Variants in TBCK observed in about 807,000 individuals in gnomAD.
The protein encoded by TBCK is TBC1 domain containing kinase, also known as TBC domain-containing protein kinase-like protein.
In TBCK, 99 loss-of-function variants were observed where a neutral mutation model predicts 113.4. The observed-to-expected ratio is 0.87, with a 90% CI of 0.74 to 1.03. The LOEUF is 1.03. TBCK is among the 50% of genes least tolerant of loss of function. The probability of loss-of-function intolerance (pLI) is 0.00; values close to 1 mark genes in which losing one functional copy is unlikely to be tolerated. For missense variants in TBCK, 1,045 were observed against 1,061.3 expected, an observed-to-expected ratio of 0.98 and a Z score of 0.21; for synonymous variants, 369 against 370.8, an observed-to-expected ratio of 1.00 and a Z score of 0.05.
chr4:106,282,582 G>T (rs1011972732), intron 3 of TBCK, among the ~76,000 whole-genome samples: 5 of 151,390 alleles, frequency 3.3e-5, no homozygotes, highest in Admixed American at 3.3e-4. Flanking sequence ...TATTCCACAG[G>T]TTTTGGTATA....
chr4:106,230,753 T>C (rs1481319924), intron 18 of TBCK, among the ~76,000 whole-genome samples: 1 of 151,868 alleles, frequency 6.6e-6, no homozygotes, highest in Non-Finnish European at 1.5e-5. Flanking sequence ...CTAAGCATGA[T>C]CATTATTAGT....
chr4:106,069,671 T>C (rs1317110175), intron 25 of TBCK, among the ~76,000 whole-genome samples: 2 of 152,220 alleles, frequency 1.3e-5, no homozygotes, highest in Non-Finnish European at 2.9e-5. Flanking sequence ...GTTTTTTCCA[T>C]TCTGTGAAGA....
intron 19 of TBCK, 127 bp downstream of exon 19, chr4:106,230,236 T>C (rs1228139833): frequency 6.6e-6 from 3 of 455,410 alleles, no homozygotes; most frequent in Non-Finnish European, 1.2e-5. Flanking sequence ...TTTCTCTTTA[T>C]GGATTTTATT....
Position 106,314,332 on chromosome 4 carries a change from C to G in TBCK, c.-30+1599G>C, listed in dbSNP as rs182683059. ...TATATTATTTTGAATTATAAAGTAACCAATACAAAAACTAAAAATTATGAT... is the reference window on the plus strand; with the variant it reads ...TATATTATTTTGAATTATAAAGTAAGCAATACAAAAACTAAAAATTATGAT... On this transcript the variant is annotated intron_variant, in intron 1 of 25. Coordinates refer to ENST00000394708, the MANE Select transcript of TBCK (RefSeq NM_001163435.3). 2.9e-3 allele frequency among the ~76,000 whole-genome samples: 437 copies of G among 152,146 alleles called. 2 individuals carry two copies. Among genetic ancestry groups the G allele is most frequent in the African/African-American group, 0.01 (416 of 41,510 alleles).
intron 2 of TBCK, among the ~76,000 whole-genome samples, chr4:106,302,480 A>C (rs1007588104): frequency 6.6e-6 from 1 of 152,214 alleles, no homozygotes; most frequent in African/African-American, 2.4e-5. Flanking sequence ...GTTTAGGTAG[A>C]GGAAGGAAAA....
rs1734227303 is a variant in TBCK at position 106,046,478 on chromosome 4, A to G, written c.*92T>C. On this transcript the variant is annotated 3_prime_UTR_variant, in exon 26 of 26. Transcript: ENST00000394708. ...TTTACGGAAATGCAACAATCTGGAC[A>G]TCTAGTTTTGTCTGAGAGTGGCGTG... 1 of 688,836 alleles carries G rather than the reference A, an allele frequency of 1.5e-6. No individual in the cohort carries two copies. The highest frequency in any genetic ancestry group is 2.6e-6 in the Non-Finnish European group (1 of 389,416). The allele number at this position is 688,836 out of a possible 1,614,324, so 42.7% of individuals were successfully genotyped here.
chr4:106,266,827 G>A (rs940897903), intron 3 of TBCK, among the ~76,000 whole-genome samples: 4 of 151,872 alleles, frequency 2.6e-5, no homozygotes, highest in Non-Finnish European at 4.4e-5. Context: ...GTACTTACTA[G>A]CTTTTTAAGT....
chr4:106,276,868 C>A (rs1764081508), intron 3 of TBCK, among the ~76,000 whole-genome samples: 2 of 151,760 alleles, frequency 1.3e-5, no homozygotes, highest in African/African-American at 4.8e-5. Context: ...AAGAGTGAGA[C>A]TCCATTATAA....
At chr4:106,251,079 C>T (rs1761373808) in intron 6 of TBCK, 2 of 330,894 alleles carry the variant, frequency 6.0e-6, no homozygotes, top group Non-Finnish European at 1.2e-5. Flanking sequence ...ACACTTATAC[C>T]TTCAGCATTT....
intron 23 of TBCK, among the ~76,000 whole-genome samples, chr4:106,144,799 G>A (rs947203116): frequency 1.3e-5 from 2 of 149,912 alleles, no homozygotes; most frequent in Non-Finnish European, 3.0e-5. Context: ...CGAGACAGGT[G>A]GATCACCTGA....
intron 23 of TBCK, among the ~76,000 whole-genome samples, chr4:106,150,984 A>G (rs1323122994): frequency 6.6e-6 from 1 of 152,006 alleles, no homozygotes; most frequent in African/African-American, 2.4e-5. Flanking sequence ...ATAAGTTACC[A>G]GTGAAGAAAG....
At chr4:106,101,501 A>G (rs1741548218) in intron 24 of TBCK, among the ~76,000 whole-genome samples, 1 of 152,166 alleles carries the variant, frequency 6.6e-6, no homozygotes, top group Non-Finnish European at 1.5e-5. Context: ...AGTTTTTATA[A>G]ATCAATTATT....
intron 25 of TBCK, among the ~76,000 whole-genome samples, chr4:106,086,003 C>G (rs1739456826): frequency 1.3e-5 from 2 of 152,110 alleles, no homozygotes; most frequent in African/African-American, 4.8e-5. Context: ...CTAAAAAGAT[C>G]TCAAATCGAC....
Position 106,252,014 on chromosome 4 carries a change from T to C in TBCK, c.456-7A>G, listed in dbSNP as rs747583837. 6.3e-7 allele frequency: 1 copy of C among 1,586,390 alleles called. No individual in the cohort carries two copies. Among genetic ancestry groups the C allele is most frequent in the South Asian group, 1.2e-5 (1 of 86,112 alleles). The stretch of plus-strand genomic sequence containing the variant: ...GGCCAAGTACGAGGGATACCTGTAA[T>C]GATACATTAAAATAATGAAAAATTA... On this transcript the variant is annotated splice_region_variant and splice_polypyrimidine_tract_variant and intron_variant, in intron 5 of 25. Coordinates refer to ENST00000394708, the MANE Select transcript of TBCK (RefSeq NM_001163435.3).
At chr4:106,250,329 T>G in intron 7 of TBCK, 89 bp downstream of exon 7, 1 of 872,490 alleles carries the variant, frequency 1.1e-6, no homozygotes, top group Non-Finnish European at 1.8e-6. Context: ...GTGTACTCAC[T>G]ATTTCAAAAG....
At chr4:106,208,553 T>A (rs1295628296) in intron 20 of TBCK, among the ~76,000 whole-genome samples, 2 of 152,196 alleles carry the variant, frequency 1.3e-5, no homozygotes, top group African/African-American at 4.8e-5. Flanking sequence ...CAACTTCAGG[T>A]AAGGGTGCTG....
chr4:106,090,381 A>G (rs892924325), intron 25 of TBCK, among the ~76,000 whole-genome samples: 3 of 152,180 alleles, frequency 2.0e-5, no homozygotes, highest in African/African-American at 7.2e-5. Flanking sequence ...CTTCTTCCCT[A>G]GGCCTCTAGG....
At chr4:106,084,245 G>A (rs1475747663) in intron 25 of TBCK, among the ~76,000 whole-genome samples, 2 of 152,140 alleles carry the variant, frequency 1.3e-5, no homozygotes, top group Non-Finnish European at 2.9e-5. Context: ...GAACATAAAC[G>A]ACCTGAAGGG....
intron 10 of TBCK, among the ~76,000 whole-genome samples, chr4:106,246,313 G>A (rs11943756): frequency 3.3e-5 from 5 of 152,068 alleles, no homozygotes; most frequent in African/African-American, 9.7e-5. Flanking sequence ...TTGAATGAAT[G>A]TTTAGTAACC....
Sources: allele counts gnomAD v4.1 joint callset (sites outside exome capture counted in the v4.1 genomes callset), GRCh38; gene constraint gnomAD v4.1.1; transcripts MANE v1.5; gene names NCBI Gene and HGNC (gene_info 2026-07-23, HGNC 2026-07-21).